Variants in KLHL12 observed in about 807,000 individuals in gnomAD.
The protein encoded by KLHL12 is kelch-like protein 12.
In KLHL12, 17 loss-of-function variants were observed where a neutral mutation model predicts 60.8. The observed-to-expected ratio is 0.28, with a 90% CI of 0.19 to 0.42. KLHL12 has a LOEUF of 0.42. Ranked by LOEUF, KLHL12 falls within the 10% of genes least tolerant of loss-of-function variation. The pLI, the probability that KLHL12 is intolerant of heterozygous loss-of-function variation, is 1.00. For synonymous variants in KLHL12, 220 were observed against 250.9 expected (o/e 0.88, Z 1.16); for missense variants, 468 against 722.3 (o/e 0.65, Z 4.04).
upstream of KLHL12, among the ~76,000 whole-genome samples, chr1:202,927,519 C>CAAAAATAAAAAAAAA (rs1653649216): frequency 1.9e-5 from 1 of 52,814 alleles, no homozygotes. Context: ...CCCGTTTCTA[C>CAAAAATAAAAAAAAA]AAAAAAAAAA....
In KLHL12 at chr1:202,927,073, C is replaced by G. The variant is rs1367893096; in HGVS notation, c.-46+16G>C. On this transcript the variant is annotated intron_variant, in intron 1 of 11. Transcript: ENST00000367261. The stretch of plus-strand genomic sequence containing the variant: ...GGAAGGGAAGGGCTGACTGCCATCA[C>G]TTCCGCGCAACTCACCTCCGCTCCC... 2.0e-6 allele frequency: 2 copies of G among 985,428 alleles called. No individual in the cohort carries two copies. The highest frequency in any genetic ancestry group is 3.5e-5 in the African/African-American group (2 of 57,240). The allele number at this position is 985,428 out of a possible 1,614,324, so 61.0% of individuals were successfully genotyped here.
At chr1:202,925,897 G>C (rs1653523598) in intron 1 of KLHL12, among the ~76,000 whole-genome samples, 1 of 152,070 alleles carries the variant, frequency 6.6e-6, no homozygotes, top group Admixed American at 6.6e-5. Flanking sequence ...TTGAGGTCAG[G>C]AGTTTGAGAG....
Position 202,918,152 on chromosome 1 carries a change from C to A in KLHL12, c.567+19G>T. 1 of 1,581,732 alleles carries A rather than the reference C, an allele frequency of 6.3e-7. No individual in the cohort carries two copies. The highest frequency in any genetic ancestry group is 1.1e-5 in the South Asian group (1 of 90,310). ...TTGCCCAATCTTGAAGAAACCATAA[C>A]ATCAAGACAAATCCGTACCTGAATT... On this transcript the variant is annotated intron_variant, in intron 4 of 11. Coordinates refer to ENST00000367261, the MANE Select transcript of KLHL12 (RefSeq NM_021633.4).
chr1:202,901,234 G>C (rs892267700), intron 6 of KLHL12, among the ~76,000 whole-genome samples: 1 of 152,114 alleles, frequency 6.6e-6, no homozygotes, highest in African/African-American at 2.4e-5. Flanking sequence ...GTGGAACTTC[G>C]TAAGAGGTGT....
intron 4 of KLHL12, chr1:202,912,245 G>C: frequency 3.6e-6 from 4 of 1,109,032 alleles, no homozygotes; most frequent in South Asian, 1.2e-5. Context: ...GCAGTGGCAA[G>C]AAAAGGGGCT....
At chr1:202,905,097 T>C (rs995088554) in intron 6 of KLHL12, among the ~76,000 whole-genome samples, 34 of 152,300 alleles carry the variant, frequency 2.2e-4, no homozygotes, top group African/African-American at 6.0e-4. Flanking sequence ...AAGAATCTAA[T>C]TGGAAACTGC....
At chr1:202,903,515 A>G (rs1403108848) in intron 6 of KLHL12, among the ~76,000 whole-genome samples, 1 of 146,428 alleles carries the variant, frequency 6.8e-6, no homozygotes, top group Non-Finnish European at 1.5e-5. Flanking sequence ...GCTAGAGTGC[A>G]CTGGTGCAAT....
chr1:202,896,881 G>C lies in KLHL12; in HGVS notation c.912C>G (p.Pro304=). ...GCAAAAAGCTCCACTCCTGAGTCTT[G>C]GGGTCATATTTCTCTACCACATCAA... ...SPIDVVEKYD[P]KTQEWSFLPS... is the part of the protein sequence containing the mutation. Residue 304 remains proline (P), a synonymous_variant, in exon 7 of 12, where the codon CCC becomes CCG. Coordinates refer to ENST00000367261, the MANE Select transcript of KLHL12 (RefSeq NM_021633.4). The C allele has an allele frequency of 6.2e-7, 1 of 1,614,014 alleles. No homozygotes were observed. The highest frequency in any genetic ancestry group is 8.5e-7 in the Non-Finnish European group (1 of 1,179,906).
At chr1:202,900,977 C>T (rs1010806359) in intron 6 of KLHL12, among the ~76,000 whole-genome samples, 3 of 151,640 alleles carry the variant, frequency 2.0e-5, no homozygotes, top group Non-Finnish European at 1.5e-5. Flanking sequence ...ACCTGGGAGG[C>T]GGAGGTTGCA....
At position 202,921,114 on chromosome 1, in the gene KLHL12, G is replaced by GT. The variant is rs543985182; in HGVS notation, c.196-1207dup. Among the ~76,000 whole-genome samples, 59 of 150,582 alleles carry GT rather than the reference G, an allele frequency of 3.9e-4. No individual in the cohort carries two copies. In the South Asian group the frequency reaches 0.011, roughly 29 times the overall value. On this transcript the variant is annotated intron_variant, in intron 2 of 11. Coordinates refer to ENST00000367261, the MANE Select transcript of KLHL12 (RefSeq NM_021633.4). Reference sequence around the variant, plus strand: ...CAACCTCTGCCTCCCAGGTTCAAGTGTTTCTCGTGCCTCAGCCTCCCAAGT... The same window carrying GT: ...CAACCTCTGCCTCCCAGGTTCAAGTGTTTTCTCGTGCCTCAGCCTCCCAAGT...
At position 202,896,868 on chromosome 1, in the gene KLHL12, A is replaced by G. The variant is rs1659849365; in HGVS notation, c.925T>C (p.Trp309Arg). ...CCATTATTTACTGGCAAAAAGCTCC[A>G]CTCCTGAGTCTTGGGGTCATATTTC... ...VEKYDPKTQE[W>R]SFLPSITRKR... Residue 309 changes from tryptophan (W) to arginine (R), a missense_variant, in exon 7 of 12, where the codon TGG becomes CGG. Transcript: ENST00000367261. 6.2e-7 allele frequency: 1 copy of G among 1,613,302 alleles called. No homozygotes were observed. Among genetic ancestry groups the G allele is most frequent in the South Asian group, 1.1e-5 (1 of 91,062 alleles).
chr1:202,905,438 A>G (rs1660151757), intron 6 of KLHL12, among the ~76,000 whole-genome samples: 1 of 152,228 alleles, frequency 6.6e-6, no homozygotes, highest in Admixed American at 6.5e-5. Context: ...GGTAACCCAG[A>G]GAAGTTAAAG....
intron 7 of KLHL12, 31 bp downstream of exon 7, chr1:202,896,823 C>T: frequency 6.7e-7 from 1 of 1,500,078 alleles, no homozygotes; most frequent in Non-Finnish European, 9.3e-7. Flanking sequence ...ATTTAACATC[C>T]CTCCCAACGA....
chr1:202,927,655 G>A (rs1169467050), upstream of KLHL12, among the ~76,000 whole-genome samples: 1 of 129,766 alleles, frequency 7.7e-6, no homozygotes, highest in Non-Finnish European at 1.6e-5. Flanking sequence ...TCCAGCCTGG[G>A]CCACAGAATG....
chr1:202,921,382 C>T (rs902121076), intron 2 of KLHL12, among the ~76,000 whole-genome samples: 2 of 151,928 alleles, frequency 1.3e-5, no homozygotes, highest in Non-Finnish European at 2.9e-5. Flanking sequence ...ACCATGTTGG[C>T]CAGGCTGGTC....
At chr1:202,910,462 G>C (rs1013781898) in intron 5 of KLHL12, among the ~76,000 whole-genome samples, 2 of 152,138 alleles carry the variant, frequency 1.3e-5, no homozygotes, top group Middle Eastern at 3.2e-3. Flanking sequence ...AGAGATCTAG[G>C]GCTGGGCCAG....
chr1:202,915,904 G>A (rs1270613526), intron 4 of KLHL12, among the ~76,000 whole-genome samples: 3 of 152,212 alleles, frequency 2.0e-5, no homozygotes, highest in Admixed American at 6.5e-5. Context: ...GAAATGTTCT[G>A]GGCACACAGT....
chr1:202,912,454 C>T (rs1225483160), intron 4 of KLHL12: 2 of 857,214 alleles, frequency 2.3e-6, no homozygotes, highest in East Asian at 2.4e-5. Context: ...GTTGGCATGA[C>T]AGCCGTGGTG....
chr1:202,904,826 T>C (rs1241616186), intron 6 of KLHL12, among the ~76,000 whole-genome samples: 2 of 152,168 alleles, frequency 1.3e-5, no homozygotes, highest in Non-Finnish European at 2.9e-5. Context: ...CACTGATCTT[T>C]AGTTCAAAAA....
Sources: gnomAD v4.1 joint callset for allele counts (sites outside exome capture counted in the v4.1 genomes callset) on GRCh38, gnomAD v4.1.1 for gene constraint, MANE v1.5 for transcripts, NCBI Gene and HGNC (gene_info 2026-07-23, HGNC 2026-07-21) for gene names.